Variants in STK10 observed in about 807,000 individuals in gnomAD.
STK10 encodes the protein serine/threonine kinase 10.
A neutral mutation model predicts 113.8 loss-of-function variants in STK10; 78 were observed. The ratio of observed to expected loss-of-function variants is 0.69; its 90% confidence interval spans 0.57 to 0.83. The LOEUF is 0.83. STK10 is among the 40% of genes least tolerant of loss of function. The probability of loss-of-function intolerance (pLI) is 0.00; values close to 1 mark genes in which losing one functional copy is unlikely to be tolerated. For synonymous variants in STK10, 465 were observed against 494.7 expected (o/e 0.94, Z 0.80); for missense variants, 1,109 against 1,280.1 (o/e 0.87, Z 2.04).
rs1449653808 is a variant in STK10 at position 172,082,958 on chromosome 5, C to A, written c.1809+3G>T. 7 of 1,613,058 alleles carry A rather than the reference C, an allele frequency of 4.3e-6. No homozygotes were observed. In the Admixed American group the frequency reaches 8.3e-5, roughly 19 times the overall value. On this transcript the variant is annotated splice_donor_region_variant and intron_variant, in intron 11 of 18. Coordinates refer to ENST00000176763, the MANE Select transcript of STK10 (RefSeq NM_005990.4). This position sits in a 1 kb window ranked among gnomAD's most constrained non-coding sequence, Gnocchi z 4.3. ...GCAGGGTCCCATCTTTTCTCGCACTCACGTTGATTTCCTGTTCAAAACGTT... is the reference window on the plus strand; with the variant it reads ...GCAGGGTCCCATCTTTTCTCGCACTAACGTTGATTTCCTGTTCAAAACGTT...
intron 13 of STK10, among the ~76,000 whole-genome samples, chr5:172,062,085 C>A (rs1322077055): frequency 6.6e-6 from 1 of 151,458 alleles, no homozygotes; most frequent in East Asian, 2.0e-4. Context: ...TCAAGTGATT[C>A]TCCCATCTCA....
intron 1 of STK10, among the ~76,000 whole-genome samples, chr5:172,173,093 G>C (rs897989229): frequency 2.0e-5 from 3 of 152,196 alleles, no homozygotes; most frequent in African/African-American, 7.2e-5. Flanking sequence ...CCAGAGGCCA[G>C]CACCAGTGTC....
chr5:172,111,148 C>A (rs1769228718), intron 4 of STK10, among the ~76,000 whole-genome samples: 1 of 152,168 alleles, frequency 6.6e-6, no homozygotes, highest in South Asian at 2.1e-4. Context: ...TCCCCTGGGC[C>A]TCCAGGGTAA....
chr5:172,153,130 T>C (rs976727460), intron 2 of STK10, among the ~76,000 whole-genome samples: 1 of 151,724 alleles, frequency 6.6e-6, no homozygotes, highest in Non-Finnish European at 1.5e-5. Flanking sequence ...CTACTAAAAA[T>C]ACAAAATTAG....
chr5:172,078,956 C>A (rs891337376), intron 12 of STK10, among the ~76,000 whole-genome samples: 110 of 148,708 alleles, frequency 7.4e-4, no homozygotes, highest in Non-Finnish European at 5.9e-5. Flanking sequence ...TCCACACACA[C>A]ACACACACAC....
chr5:172,151,515 T>G (rs1015827818), intron 2 of STK10, among the ~76,000 whole-genome samples: 2 of 152,046 alleles, frequency 1.3e-5, no homozygotes, highest in African/African-American at 4.8e-5. Context: ...CCCGGCTAAC[T>G]TTTGTATTTT....
At chr5:172,135,224 T>C (rs1769827247) in intron 2 of STK10, among the ~76,000 whole-genome samples, 1 of 151,560 alleles carries the variant, frequency 6.6e-6, no homozygotes, top group Non-Finnish European at 1.5e-5. Flanking sequence ...ATTAAAAACA[T>C]GAACAAGGCT....
At chr5:172,105,088 C>T (rs1330753070) in intron 7 of STK10, among the ~76,000 whole-genome samples, 4 of 152,082 alleles carry the variant, frequency 2.6e-5, no homozygotes, top group Admixed American at 6.5e-5. Context: ...AGGGAACCAT[C>T]GAGCCTTGGG....
intron 7 of STK10, among the ~76,000 whole-genome samples, chr5:172,102,933 G>A (rs1769022411): frequency 6.7e-6 from 1 of 148,994 alleles, no homozygotes; most frequent in Non-Finnish European, 1.5e-5. Flanking sequence ...GGTGGGGGGG[G>A]CGGGGCATGG....
chr5:172,045,073 G>T, intron 18 of STK10, 51 bp from the exon 19 acceptor site: 2 of 1,601,600 alleles, frequency 1.2e-6, no homozygotes, highest in Non-Finnish European at 1.7e-6. Context: ...CAGGCCACAC[G>T]TGGGTCTCCC....
intron 10 of STK10, among the ~76,000 whole-genome samples, chr5:172,085,024 C>T (rs1257206258): frequency 6.6e-6 from 1 of 152,146 alleles, no homozygotes; most frequent in East Asian, 1.9e-4. Flanking sequence ...TTGGGAGGAT[C>T]ACTTGAGCTC....
Position 172,093,735 on chromosome 5 carries a change from G to T in STK10, c.1231C>A (p.Arg411=). The T allele has an allele frequency of 6.2e-7, 1 of 1,613,808 alleles. No homozygotes were observed. Among genetic ancestry groups the T allele is most frequent in the Non-Finnish European group, 8.5e-7 (1 of 1,179,680 alleles). The change falls in exon 9 of 19, where the codon CGG becomes AGG. Residue 411 remains arginine, a synonymous_variant. Coordinates refer to ENST00000176763, the MANE Select transcript of STK10 (RefSeq NM_005990.4). This position sits in a 1 kb window ranked among gnomAD's most constrained non-coding sequence, Gnocchi z 4.1. The part of the protein sequence containing the change: ...ENGLAVPVPL[R]KSRPVSMDAR... ...TCCATTGACACGGGTCGGGACTTCC[G>T]CAGGGGCACAGGCACTGCCAGGCCG...
At chr5:172,156,488 T>C (rs1400419476) in intron 2 of STK10, 136 bp downstream of exon 2, 1 of 1,164,302 alleles carries the variant, frequency 8.6e-7, no homozygotes, top group Non-Finnish European at 1.2e-6. Flanking sequence ...AGGAGCTCCC[T>C]ACTTCACCAT....
chr5:172,114,193 G>C (rs751975544), intron 4 of STK10, among the ~76,000 whole-genome samples: 33 of 151,748 alleles, frequency 2.2e-4, no homozygotes, highest in Non-Finnish European at 4.1e-4. Flanking sequence ...GGAAGCCCAC[G>C]GAGAGTGGTG....
Position 172,093,757 on chromosome 5 carries a change from G to C in STK10, c.1209C>G (p.Gly403=), listed in dbSNP as rs1377494779. The stretch of plus-strand genomic sequence containing the variant: ...TCCGCAGGGGCACAGGCACTGCCAG[G>C]CCGTTCTCATTTCCAGGGGCCACGA... ...PPVVAPGNEN[G]LAVPVPLRKS... Residue 403 remains glycine (G), a synonymous_variant, in exon 9 of 19, where the codon GGC becomes GGG. Transcript: ENST00000176763. The surrounding 1 kb of genome is among the most constrained non-coding windows in gnomAD (Gnocchi z 4.1). 6.2e-7 allele frequency: 1 copy of C among 1,611,700 alleles called. No individual in the cohort carries two copies. Among genetic ancestry groups the C allele is most frequent in the African/African-American group, 1.3e-5 (1 of 74,900 alleles).
At chr5:172,119,364 G>C (rs972191035) in intron 3 of STK10, among the ~76,000 whole-genome samples, 1 of 152,068 alleles carries the variant, frequency 6.6e-6, no homozygotes, top group African/African-American at 2.4e-5. Flanking sequence ...GAAATGCAGT[G>C]GGTAGTCCAC....
chr5:172,170,967 G>C (rs1486632206), intron 1 of STK10, among the ~76,000 whole-genome samples: 1 of 152,184 alleles, frequency 6.6e-6, no homozygotes, highest in African/African-American at 2.4e-5. Flanking sequence ...AGCACTTTAT[G>C]GAGGGCCACC....
At chr5:172,121,758 C>T (rs1769516202) in intron 3 of STK10, among the ~76,000 whole-genome samples, 1 of 152,072 alleles carries the variant, frequency 6.6e-6, no homozygotes, top group East Asian at 1.9e-4. Context: ...GAGACAGAGT[C>T]TTACTACGTT....
intron 2 of STK10, among the ~76,000 whole-genome samples, chr5:172,139,133 T>G (rs917458035): frequency 2.0e-5 from 3 of 152,204 alleles, no homozygotes; most frequent in African/African-American, 7.2e-5. Context: ...GATCTACAGA[T>G]TCATTGTAAT....
Sources: gnomAD v4.1 joint callset for allele counts (sites outside exome capture counted in the v4.1 genomes callset) on GRCh38, gnomAD v4.1.1 for gene constraint, Gnocchi (gnomAD v3.1) non-coding constraint, MANE v1.5 for transcripts, NCBI Gene and HGNC (gene_info 2026-07-23, HGNC 2026-07-21) for gene names.